Variants in CEP97 observed in about 807,000 individuals in gnomAD.
CEP97 encodes the protein centrosomal protein of 97 kDa.
CEP97 carries 43 observed loss-of-function variants against 73.1 expected under a neutral mutation model. The ratio of observed to expected loss-of-function variants is 0.59; its 90% CI spans 0.46 to 0.76. The LOEUF (loss-of-function observed/expected upper bound fraction) is 0.76, where lower values mean the gene tolerates loss of function less well. Ranked by LOEUF, CEP97 falls within the 30% of genes least tolerant of loss-of-function variation. The probability of loss-of-function intolerance (pLI) is 0.00; values close to 1 mark genes in which losing one functional copy is unlikely to be tolerated. For synonymous variants in CEP97, 337 were observed against 370.0 expected (o/e 0.91, Z 1.02); for missense variants, 939 against 1,014.0 (o/e 0.93, Z 1.00).
intron 10 of CEP97, among the ~76,000 whole-genome samples, chr3:101,764,494 C>T (rs1021122287): frequency 8.6e-5 from 13 of 152,000 alleles, no homozygotes; most frequent in African/African-American, 3.1e-4. Flanking sequence ...GCCTGTAATC[C>T]CAGCTACTTG....
chr3:101,732,562 A>G lies in CEP97; in HGVS notation c.636A>G (p.Pro212=), dbSNP rs1319327386. The G allele has an allele frequency of 3.7e-6, 6 of 1,613,656 alleles. No homozygotes were observed. In the African/African-American group the frequency reaches 6.7e-5, roughly 18 times the overall value. Residue 212 remains proline (P), a synonymous_variant, in exon 6 of 11, where the codon CCA becomes CCG. Coordinates refer to ENST00000341893, the MANE Select transcript of CEP97 (RefSeq NM_024548.4). ...ACAATCCTTGTGTGATGGCAACACC[A>G]TCCATCCCAGGATTTGACTATCGGC... ...IMNNPCVMAT[P]SIPGFDYRPY...
At chr3:101,756,898 C>T (rs1939019470) in intron 7 of CEP97, among the ~76,000 whole-genome samples, 165 bp from the exon 8 acceptor site, 1 of 152,146 alleles carries the variant, frequency 6.6e-6, no homozygotes, top group Admixed American at 6.5e-5. Flanking sequence ...TCTTAACTTT[C>T]TTTATCCAGT....
At chr3:101,728,695 C>G (rs1455045033) in intron 3 of CEP97, 141 bp from the exon 4 acceptor site, 8 of 623,212 alleles carry the variant, frequency 1.3e-5, no homozygotes, top group African/African-American at 5.6e-5. Flanking sequence ...TAGTACTGCC[C>G]CTTTTCTCTT....
chr3:101,729,182 A>G, intron 4 of CEP97, among the ~76,000 whole-genome samples: 1 of 152,026 alleles, frequency 6.6e-6, no homozygotes, highest in East Asian at 1.9e-4. Context: ...CATCTCTACT[A>G]AAAATACCAA....
chr3:101,739,903 T>TAAA (rs71625596), intron 6 of CEP97, among the ~76,000 whole-genome samples: 50 of 142,514 alleles, frequency 3.5e-4, no homozygotes, highest in Middle Eastern at 3.8e-3. Flanking sequence ...AGACACCATC[T>TAAA]AAAAAAAAAA....
chr3:101,761,518 A>G (rs1448504334), intron 9 of CEP97, among the ~76,000 whole-genome samples: 1 of 152,126 alleles, frequency 6.6e-6, no homozygotes, highest in Non-Finnish European at 1.5e-5. Flanking sequence ...CTTGACAACG[A>G]ATTTTGGGAA....
intron 6 of CEP97, among the ~76,000 whole-genome samples, chr3:101,738,970 A>G (rs1938363944): frequency 6.6e-6 from 1 of 152,186 alleles, no homozygotes; most frequent in Non-Finnish European, 1.5e-5. Context: ...TCAAATAGAC[A>G]CAATAAAAAA....
At chr3:101,737,954 G>A (rs1235128098) in intron 6 of CEP97, among the ~76,000 whole-genome samples, 1 of 124,772 alleles carries the variant, frequency 8.0e-6, no homozygotes, top group Admixed American at 9.8e-5. Context: ...CATCTCACAT[G>A]TAAAGACACA....
chr3:101,761,463 G>T (rs948186081), intron 9 of CEP97, among the ~76,000 whole-genome samples: 3 of 152,206 alleles, frequency 2.0e-5, no homozygotes, highest in Non-Finnish European at 2.9e-5. Context: ...AGAAAGCCTG[G>T]TGCTGAGACT....
intron 6 of CEP97, among the ~76,000 whole-genome samples, chr3:101,755,056 G>T (rs539231588): frequency 2.0e-5 from 3 of 146,990 alleles, no homozygotes; most frequent in South Asian, 2.2e-4. Flanking sequence ...TGCCCGGCTA[G>T]TTTTTTTTTT....
chr3:101,732,356 A>G, intron 5 of CEP97, 132 bp from the exon 6 acceptor site: 1 of 643,474 alleles, frequency 1.6e-6, no homozygotes, highest in Non-Finnish European at 2.7e-6. Flanking sequence ...AAGTCAATGG[A>G]CACTTGTCAC....
intron 6 of CEP97, among the ~76,000 whole-genome samples, chr3:101,734,873 C>T (rs1183618794): frequency 6.6e-6 from 1 of 152,054 alleles, no homozygotes; most frequent in Non-Finnish European, 1.5e-5. Flanking sequence ...AAAGAGAGAC[C>T]CACAAAGAGA....
At chr3:101,724,979 C>T (rs1383936314) in intron 1 of CEP97, among the ~76,000 whole-genome samples, 1 of 152,238 alleles carries the variant, frequency 6.6e-6, no homozygotes, top group East Asian at 1.9e-4. Context: ...GGCTCCCGCG[C>T]TCCCGATGCT....
At chr3:101,733,181 AC>A (rs1266526003) in intron 6 of CEP97, among the ~76,000 whole-genome samples, 1 of 152,164 alleles carries the variant, frequency 6.6e-6, no homozygotes, top group Non-Finnish European at 1.5e-5. Flanking sequence ...TTAGTGCCCT[AC>A]ATACAACAAT....
At chr3:101,754,979 C>T (rs1938963456) in intron 6 of CEP97, among the ~76,000 whole-genome samples, 1 of 150,728 alleles carries the variant, frequency 6.6e-6, no homozygotes, top group African/African-American at 2.4e-5. Flanking sequence ...ACTATAGCCT[C>T]ACACACCTGA....
chr3:101,770,383 A>C lies in CEP97; in HGVS notation c.*4832A>C, dbSNP rs949371892. The C allele has an allele frequency of 2.0e-5, 3 of 152,208 alleles. No individual in the cohort carries two copies. The highest frequency in any genetic ancestry group is 1.3e-4 in the Admixed American group (2 of 15,288). The allele number at this position is 152,208 out of a possible 1,614,324, so 9.4% of individuals were successfully genotyped here. ...TGTAATAATTTTAATGTTGACAATAAGAGTTTAAAAATAATTTGATTTTGG... is the reference window on the plus strand; with the variant it reads ...TGTAATAATTTTAATGTTGACAATACGAGTTTAAAAATAATTTGATTTTGG... On this transcript the variant is annotated 3_prime_UTR_variant, in exon 11 of 11. Coordinates refer to ENST00000341893, the MANE Select transcript of CEP97 (RefSeq NM_024548.4).
rs1466757995 is a variant in CEP97, at chr3:101,726,809, C to T, written c.186+73C>T. On this transcript the variant is annotated intron_variant, in intron 2 of 10. Transcript: ENST00000341893. ...TAAACAAAACAATAAAATAACCTGA[C>T]AAAAAGTAACTGTGCAGCCCTAGCA... 25 of 1,134,248 alleles carry T rather than the reference C, an allele frequency of 2.2e-5. 1 individual carries two copies. The Admixed American group carries it at 5.4e-4, about 24-fold the overall frequency. 70.3% of individuals were successfully genotyped at this position (1,134,248 alleles called of 1,614,324 possible).
At chr3:101,749,622 G>A (rs1938739495) in intron 6 of CEP97, among the ~76,000 whole-genome samples, 1 of 134,096 alleles carries the variant, frequency 7.5e-6, no homozygotes, top group South Asian at 2.5e-4. Context: ...CAGTGTAAAA[G>A]TGTTCCTATT....
intron 7 of CEP97, among the ~76,000 whole-genome samples, chr3:101,756,611 C>G (rs558503568): frequency 1.3e-5 from 2 of 152,030 alleles, no homozygotes; most frequent in East Asian, 3.9e-4. Flanking sequence ...CTCCTGAGCT[C>G]CAGCGATCCA....
Sources: allele counts gnomAD v4.1 joint callset (sites outside exome capture counted in the v4.1 genomes callset), GRCh38; gene constraint gnomAD v4.1.1; transcripts MANE v1.5; gene names NCBI Gene and HGNC (gene_info 2026-07-23, HGNC 2026-07-21).